Variants in ANGPT1 observed in about 807,000 individuals in gnomAD.
The protein encoded by ANGPT1 is angiopoietin 1.
In ANGPT1, 17 loss-of-function variants were observed where a neutral mutation model predicts 62.2. That is an observed-to-expected ratio of 0.27 (90% CI 0.19 to 0.41). ANGPT1 has a LOEUF of 0.41. Among genes scored for constraint, ANGPT1 ranks in the 10% least tolerant of loss-of-function variants. ANGPT1 has a pLI of 1.00. For synonymous variants in ANGPT1, 199 were observed against 198.9 expected, an observed-to-expected ratio of 1.00 and a Z score of 0.00; for missense variants, 478 against 594.9, an observed-to-expected ratio of 0.80 and a Z score of 2.04.
chr8:107,369,651 T>C (rs540592318), intron 1 of ANGPT1, among the ~76,000 whole-genome samples: 3 of 152,244 alleles, frequency 2.0e-5, no homozygotes, highest in African/African-American at 7.2e-5. Context: ...CAGAGGCCAC[T>C]GTAGGGTTAT....
intron 1 of ANGPT1, among the ~76,000 whole-genome samples, chr8:107,470,062 G>C (rs966580226): frequency 6.6e-6 from 1 of 151,954 alleles, no homozygotes; most frequent in Non-Finnish European, 1.5e-5. Context: ...AACTGTTATA[G>C]AATAGAGGCA....
chr8:107,453,729 T>TA (rs1304100218), intron 1 of ANGPT1, among the ~76,000 whole-genome samples: 1 of 151,900 alleles, frequency 6.6e-6, no homozygotes, highest in Non-Finnish European at 1.5e-5. Flanking sequence ...CTATTTATCA[T>TA]AAAAAATTGG....
chr8:107,400,561 C>CTT (rs781428137), intron 1 of ANGPT1, among the ~76,000 whole-genome samples: 9 of 142,502 alleles, frequency 6.3e-5, no homozygotes, highest in African/African-American at 7.7e-5. Flanking sequence ...ACATTTCTTT[C>CTT]TTTTTTTTTT....
chr8:107,257,019 G>C (rs1196061857), intron 8 of ANGPT1, among the ~76,000 whole-genome samples: 1 of 151,988 alleles, frequency 6.6e-6, no homozygotes, highest in African/African-American at 2.4e-5. Flanking sequence ...ACCACGCCTG[G>C]CTAATTTTTG....
At chr8:107,287,672 T>C (rs6993311) in intron 6 of ANGPT1, among the ~76,000 whole-genome samples, 27,558 of 152,124 alleles carry the variant, frequency 0.18, 2,742 homozygotes, top group Middle Eastern at 0.29. Flanking sequence ...TTACCAGGCA[T>C]GACCACAGAT....
chr8:107,264,412 G>C (rs1586169981), intron 7 of ANGPT1, 61 bp from the exon 8 acceptor site: 2 of 1,562,164 alleles, frequency 1.3e-6, no homozygotes, highest in African/African-American at 1.4e-5. Flanking sequence ...GAACCCAGAA[G>C]ACCAGCTTGT....
At chr8:107,389,953 ATGC>A (rs780175299) in intron 1 of ANGPT1, among the ~76,000 whole-genome samples, 45,672 of 151,324 alleles carry the variant, frequency 0.3, 7,980 homozygotes, top group East Asian at 0.58. Context: ...AAAAAAAATC[ATGC>A]TGCAGTAAGC....
chr8:107,348,769 A>G (rs1325082135), intron 1 of ANGPT1, among the ~76,000 whole-genome samples: 1 of 152,042 alleles, frequency 6.6e-6, no homozygotes, highest in Non-Finnish European at 1.5e-5. Context: ...TCCTAATAGC[A>G]TTCTTTAACT....
At position 107,254,793 on chromosome 8, in the gene ANGPT1, T is replaced by C. The variant is rs150039381; in HGVS notation, c.1337-2778A>G. 3.6e-3 allele frequency among the ~76,000 whole-genome samples: 555 copies of C among 152,244 alleles called. 5 individuals carry two copies. The highest frequency in any genetic ancestry group is 0.011 in the African/African-American group (452 of 41,564). On this transcript the variant is annotated intron_variant, in intron 8 of 8. Transcript: ENST00000517746. ...GTCCTGGTGAGAAGTTCAATGTTTA[T>C]GGAACAATTTGTAGTTTAGCCAGCC...
chr8:107,345,237 T>C (rs747771970), intron 2 of ANGPT1, among the ~76,000 whole-genome samples: 79 of 152,192 alleles, frequency 5.2e-4, no homozygotes, highest in Non-Finnish European at 9.3e-4. Flanking sequence ...TTCATTGGTC[T>C]TTGATAGTAA....
intron 1 of ANGPT1, among the ~76,000 whole-genome samples, chr8:107,359,912 A>G (rs543290222): frequency 1.2e-4 from 18 of 152,268 alleles, no homozygotes; most frequent in African/African-American, 4.3e-4. Context: ...CCCAGAAATA[A>G]AATAAAGAAC....
intron 1 of ANGPT1, among the ~76,000 whole-genome samples, chr8:107,394,114 C>T (rs747648608): frequency 4.6e-5 from 7 of 151,990 alleles, no homozygotes; most frequent in Admixed American, 6.6e-5. Flanking sequence ...TGAAAGATAC[C>T]GGTATTTTCC....
chr8:107,313,962 T>C (rs981234221), intron 4 of ANGPT1, among the ~76,000 whole-genome samples: 1 of 152,190 alleles, frequency 6.6e-6, no homozygotes, highest in African/African-American at 2.4e-5. Flanking sequence ...TAATAAAACA[T>C]TTTTTCTTAC....
At chr8:107,460,104 G>A (rs1474341614) in intron 1 of ANGPT1, among the ~76,000 whole-genome samples, 1 of 152,192 alleles carries the variant, frequency 6.6e-6, no homozygotes, top group Non-Finnish European at 1.5e-5. Context: ...GGACACGTCT[G>A]AGCATTTCAC....
intron 1 of ANGPT1, among the ~76,000 whole-genome samples, chr8:107,452,572 T>C (rs553983128): frequency 2.0e-4 from 31 of 152,096 alleles, no homozygotes; most frequent in African/African-American, 7.0e-4. Flanking sequence ...ATATATTTTA[T>C]AAATTGGGAG....
intron 1 of ANGPT1, among the ~76,000 whole-genome samples, chr8:107,399,370 T>G (rs1816998190): frequency 6.6e-6 from 1 of 152,208 alleles, no homozygotes; most frequent in South Asian, 2.1e-4. Context: ...AAGAATGTTA[T>G]AACATGTTAA....
chr8:107,324,715 G>GA (rs1394259243), intron 3 of ANGPT1, among the ~76,000 whole-genome samples: 1 of 152,186 alleles, frequency 6.6e-6, no homozygotes, highest in African/African-American at 2.4e-5. Context: ...AGTCAAGCCT[G>GA]AAAAATACCT....
chr8:107,470,244 A>G (rs1241257986), intron 1 of ANGPT1, among the ~76,000 whole-genome samples: 4 of 152,082 alleles, frequency 2.6e-5, no homozygotes, highest in Non-Finnish European at 4.4e-5. Flanking sequence ...GGAAATTAAT[A>G]TGTTTTTGAA....
At chr8:107,252,657 A>C (rs901133568) in intron 8 of ANGPT1, among the ~76,000 whole-genome samples, 2 of 152,196 alleles carry the variant, frequency 1.3e-5, no homozygotes, top group African/African-American at 4.8e-5. Context: ...GTTCCTGTAC[A>C]GCCATATTTT....
Sources: allele counts gnomAD v4.1 joint callset (sites outside exome capture counted in the v4.1 genomes callset), GRCh38; gene constraint gnomAD v4.1.1; transcripts MANE v1.5; gene names NCBI Gene and HGNC (gene_info 2026-07-23, HGNC 2026-07-21).